The following SNX29 variants were observed in gnomAD, a reference collection of about 807,000 sequenced individuals.
SNX29 encodes the protein sorting nexin 29, also known as sorting nexin-29.
A neutral mutation model predicts 102.1 loss-of-function variants in SNX29; 78 were observed. The observed-to-expected ratio is 0.76, with a 90% confidence interval of 0.64 to 0.92. The LOEUF (loss-of-function observed/expected upper bound fraction) is 0.92, where lower values mean the gene tolerates loss of function less well. Among genes scored for constraint, SNX29 ranks in the 40% least tolerant of loss-of-function variants. The pLI is 0.00. For missense variants in SNX29, 1,280 were observed against 1,061.7 expected, an observed-to-expected ratio of 1.21 and a Z score of -2.86; for synonymous variants, 580 against 414.5, an observed-to-expected ratio of 1.40 and a Z score of -4.85.
chr16:12,022,090 A>G (rs1227608952), intron 3 of SNX29, among the ~76,000 whole-genome samples: 1 of 117,994 alleles, frequency 8.5e-6, no homozygotes, highest in Non-Finnish European at 1.8e-5. Flanking sequence ...CCTGGGGGGA[A>G]GTTTTTTTTT....
chr16:12,559,056 A>G (rs376267451), intron 20 of SNX29, among the ~76,000 whole-genome samples: 1 of 152,150 alleles, frequency 6.6e-6, no homozygotes, highest in East Asian at 1.9e-4. Flanking sequence ...CGTAACTGCA[A>G]TGTAGAGGTC....
intron 3 of SNX29, among the ~76,000 whole-genome samples, chr16:12,016,009 C>G (rs1035408423): frequency 1.3e-5 from 2 of 151,942 alleles, no homozygotes; most frequent in African/African-American, 4.8e-5. Context: ...GGATTACAGG[C>G]GCCCGCCACC....
intron 15 of SNX29, among the ~76,000 whole-genome samples, chr16:12,339,261 C>G (rs1262394157): frequency 6.7e-6 from 1 of 148,778 alleles, no homozygotes; most frequent in South Asian, 2.1e-4. Context: ...ATCCCAGCTA[C>G]TTGTGTGGCT....
In SNX29 at chr16:12,278,147, C is replaced by T; in HGVS notation, c.1782+111C>T. 4.8e-6 allele frequency: 4 copies of T among 824,790 alleles called. No individual in the cohort carries two copies. The South Asian group carries it at 6.2e-5, about 13-fold the overall frequency. The allele number at this position is 824,790 out of a possible 1,614,324, so 51.1% of individuals were successfully genotyped here. A position where few individuals can be genotyped will look rare whatever the true frequency, so the allele number is the denominator to read the frequency against. On this transcript the variant is annotated intron_variant, in intron 15 of 20. Coordinates refer to ENST00000566228, the MANE Select transcript of SNX29 (RefSeq NM_032167.5). ...ACACGTGAGCAAAACGACCAAGCAA[C>T]TCCTCAGCCCCACAAAACAAAGCAA...
chr16:12,086,495 TGAA>T, intron 11 of SNX29, among the ~76,000 whole-genome samples: 1 of 151,680 alleles, frequency 6.6e-6, no homozygotes, highest in South Asian at 2.1e-4. Context: ...ACTGCAGCCT[TGAA>T]CTCCTGGGCT....
chr16:12,561,737 A>C (rs1228842961), intron 20 of SNX29, among the ~76,000 whole-genome samples: 1 of 152,092 alleles, frequency 6.6e-6, no homozygotes, highest in Admixed American at 6.5e-5. Flanking sequence ...AGCAGGGAGG[A>C]TGGAGATGGA....
At chr16:12,390,326 C>T (rs898123576) in intron 16 of SNX29, among the ~76,000 whole-genome samples, 9 of 152,158 alleles carry the variant, frequency 5.9e-5, no homozygotes, top group Non-Finnish European at 1.3e-4. Flanking sequence ...CCCGTCGGAG[C>T]ACAGACCAAA....
chr16:12,161,385 C>T (rs1471557774), intron 13 of SNX29, among the ~76,000 whole-genome samples: 8 of 152,208 alleles, frequency 5.3e-5, no homozygotes, highest in Non-Finnish European at 1.2e-4. Context: ...CTGGGAAGCT[C>T]TGCCAGGAAT....
chr16:12,306,383 A>C (rs2080339265), intron 15 of SNX29, among the ~76,000 whole-genome samples: 1 of 151,844 alleles, frequency 6.6e-6, no homozygotes, highest in African/African-American at 2.4e-5. Flanking sequence ...ACGGTGAGTC[A>C]GGTTGTTAAG....
At chr16:12,299,779 ATT>A (rs61233917) in intron 15 of SNX29, among the ~76,000 whole-genome samples, 9,929 of 131,226 alleles carry the variant, frequency 0.076, 706 homozygotes, top group African/African-American at 0.19. Context: ...CAAATTTCGA[ATT>A]TTTTTTTTTT....
intron 14 of SNX29, among the ~76,000 whole-genome samples, chr16:12,213,462 T>C (rs1264533450): frequency 2.0e-5 from 3 of 150,600 alleles, no homozygotes; most frequent in Non-Finnish European, 4.4e-5. Flanking sequence ...ATTTATACCC[T>C]TAAAACTGTT....
chr16:12,564,649 C>T (rs2078916006), intron 20 of SNX29, among the ~76,000 whole-genome samples: 1 of 152,146 alleles, frequency 6.6e-6, no homozygotes, highest in Non-Finnish European at 1.5e-5. Context: ...TGCTGGGGAG[C>T]AGGAATGGAA....
chr16:12,463,416 G>A (rs955823016), intron 18 of SNX29, among the ~76,000 whole-genome samples: 1 of 152,210 alleles, frequency 6.6e-6, no homozygotes, highest in Admixed American at 6.5e-5. Flanking sequence ...AATCATGGTT[G>A]AAGGCAAGGA....
At chr16:12,546,923 A>G (rs1346650300) in intron 20 of SNX29, among the ~76,000 whole-genome samples, 2 of 152,200 alleles carry the variant, frequency 1.3e-5, no homozygotes, top group African/African-American at 4.8e-5. Context: ...GGAGGATGAG[A>G]GCAGGGATGA....
intron 14 of SNX29, among the ~76,000 whole-genome samples, chr16:12,203,677 G>A (rs985804528): frequency 3.9e-5 from 6 of 152,244 alleles, no homozygotes; most frequent in South Asian, 4.1e-4. Flanking sequence ...CCACAACAGG[G>A]TTGTTCTTGT....
chr16:12,395,625 G>A (rs2083691311), intron 16 of SNX29, among the ~76,000 whole-genome samples: 1 of 152,190 alleles, frequency 6.6e-6, no homozygotes, highest in Admixed American at 6.5e-5. Context: ...CCATGTTGCT[G>A]ATGGCTGGTT....
At chr16:12,377,045 A>C (rs535263909) in intron 16 of SNX29, among the ~76,000 whole-genome samples, 5 of 152,270 alleles carry the variant, frequency 3.3e-5, no homozygotes, top group South Asian at 4.1e-4. Flanking sequence ...GAAAGCCCCA[A>C]ATCAGCTGGG....
At chr16:12,452,320 G>A (rs1481066497) in intron 18 of SNX29, among the ~76,000 whole-genome samples, 1 of 152,288 alleles carries the variant, frequency 6.6e-6, no homozygotes, top group Non-Finnish European at 1.5e-5. Flanking sequence ...ATGGGTGCAG[G>A]CTAGGGATGC....
intron 16 of SNX29, among the ~76,000 whole-genome samples, chr16:12,387,802 C>T (rs73513921): frequency 0.048 from 7,288 of 152,256 alleles, 364 homozygotes; most frequent in African/African-American, 0.13. Flanking sequence ...TGAAGAGCTT[C>T]ATGAGAACAT....
Sources: allele counts gnomAD v4.1 joint callset (sites outside exome capture counted in the v4.1 genomes callset), GRCh38; gene constraint gnomAD v4.1.1; transcripts MANE v1.5; gene names NCBI Gene and HGNC (gene_info 2026-07-23, HGNC 2026-07-21).